DMBT1: variants seen among roughly 807,000 people sequenced by gnomAD.
DMBT1 encodes the protein deleted in malignant brain tumors 1.
DMBT1 carries 198 observed loss-of-function variants against 252.9 expected under a neutral mutation model. The observed-to-expected ratio is 0.78, with a 90% CI of 0.70 to 0.88. The LOEUF (loss-of-function observed/expected upper bound fraction) is 0.88, where lower values mean the gene tolerates loss of function less well. Ranked by LOEUF, DMBT1 falls within the 40% of genes least tolerant of loss-of-function variation. The pLI is 0.00. For missense variants in DMBT1, 2,432 were observed against 2,404.7 expected (o/e 1.01, Z -0.24); for synonymous variants, 990 against 942.7 (o/e 1.05, Z -0.92).
At position 122,576,654 on chromosome 10, in the gene DMBT1, G is replaced by A; in HGVS notation, c.539G>A (p.Ser180Asn). ...RCSGHESYLW[S>N]CPHNGWLSHN... ...TCAGGACACGAATCCTACCTGTGGA[G>A]CTGCCCCCACAATGGCTGGCTCTCC... Residue 180 changes from serine to asparagine, a missense_variant, in exon 7 of 56, where the codon AGC (serine) becomes AAC (asparagine). Physicochemically the swap from Ser to Asn is conservative, Grantham distance 46. Transcript: ENST00000338354. 1 of 1,613,808 alleles carries A rather than the reference G, an allele frequency of 6.2e-7. No individual in the cohort carries two copies. The highest frequency in any genetic ancestry group is 8.5e-7 in the Non-Finnish European group (1 of 1,179,740).
chr10:122,561,166 T>C (rs1030652692), intron 1 of DMBT1, among the ~76,000 whole-genome samples: 1 of 152,204 alleles, frequency 6.6e-6, no homozygotes, highest in Non-Finnish European at 1.5e-5. Flanking sequence ...CCTTAAACTT[T>C]GCAACAATTG....
chr10:122,592,143 C>T lies in DMBT1; in HGVS notation c.2177-129C>T, dbSNP rs1373143597. ...TATGATGAAGCTGAACCTCTGGTTG[C>T]AGTCGTATTCAATCGTGACTGCTTG... On this transcript the variant is annotated intron_variant, in intron 19 of 55. Transcript: ENST00000338354. The T allele has an allele frequency of 7.8e-6, 11 of 1,404,496 alleles. No homozygotes were observed. The African/African-American group carries it at 1.1e-4, about 14-fold the overall frequency. The allele number at this position is 1,404,496 out of a possible 1,614,324, so 87.0% of individuals were successfully genotyped here. A position where few individuals can be genotyped will look rare whatever the true frequency, so the allele number is the denominator to read the frequency against.
At chr10:122,585,330 T>C in intron 15 of DMBT1, 21 bp downstream of exon 15, 1 of 1,582,464 alleles carries the variant, frequency 6.3e-7, no homozygotes, top group East Asian at 2.3e-5. Context: ...CTCTCGCCCC[T>C]CCCTAGGGCT....
chr10:122,635,162 T>C (rs924367333), intron 52 of DMBT1, among the ~76,000 whole-genome samples: 5 of 152,248 alleles, frequency 3.3e-5, no homozygotes, highest in Non-Finnish European at 5.9e-5. Context: ...AAAGCCCTTT[T>C]CTGTATGTTG....
chr10:122,625,868 A>G (rs2098115193), intron 45 of DMBT1, 65 bp from the exon 46 acceptor site: 2 of 1,364,752 alleles, frequency 1.5e-6, no homozygotes, highest in Admixed American at 1.7e-5. Flanking sequence ...TGTCAGTCAA[A>G]CAAATTACTA....
At chr10:122,633,823 G>A (rs4752712) in intron 52 of DMBT1, among the ~76,000 whole-genome samples, 18,271 of 152,094 alleles carry the variant, frequency 0.12, 1,584 homozygotes, top group East Asian at 0.39. Flanking sequence ...GGCAATAATA[G>A]CACTAATAAT....
chr10:122,625,372 T>A, intron 45 of DMBT1, 69 bp downstream of exon 45: 1 of 1,465,548 alleles, frequency 6.8e-7, no homozygotes, highest in African/African-American at 1.4e-5. Context: ...TTTCCAGAAG[T>A]AGGAGGAGTA....
chr10:122,584,440 T>G, intron 14 of DMBT1, 89 bp downstream of exon 14: 1 of 191,652 alleles, frequency 5.2e-6, no homozygotes, highest in Non-Finnish European at 1.0e-5. Flanking sequence ...CGTTCTTCTC[T>G]GAGTGAATAC....
rs1242126336 is a variant in DMBT1, at chr10:122,589,125, C to T, written c.1965C>T (p.Ala655=). Residue 655 remains alanine (A), a synonymous_variant, in exon 17 of 56, where the codon GCC becomes GCT. Coordinates refer to ENST00000338354, the MANE Select transcript of DMBT1 (RefSeq NM_001377530.1). ...GGGCCACGTCAGCCCCAGGAAATGC[C>T]CGGTTTGGTCAGGGCTCAGGACCCA... The part of the protein sequence containing the change: ...CGWATSAPGN[A]RFGQGSGPIV... 1.3e-6 allele frequency: 2 copies of T among 1,588,380 alleles called. No homozygotes were observed. The highest frequency in any genetic ancestry group is 1.7e-5 in the Admixed American group (1 of 59,522).
At chr10:122,632,110 C>A (rs2098169933) in intron 50 of DMBT1, among the ~76,000 whole-genome samples, 1 of 152,128 alleles carries the variant, frequency 6.6e-6, no homozygotes, top group Non-Finnish European at 1.5e-5. Context: ...TGAGGCCCGC[C>A]ACCTGTCAGA....
chr10:122,617,575 A>G (rs985591120), intron 40 of DMBT1, among the ~76,000 whole-genome samples: 1 of 151,554 alleles, frequency 6.6e-6, no homozygotes, highest in South Asian at 2.1e-4. Context: ...CGCACTGCAG[A>G]CCTGCAAGGG....
intron 26 of DMBT1, among the ~76,000 whole-genome samples, 177 bp downstream of exon 26, chr10:122,599,274 C>A (rs746204890): frequency 1.2e-4 from 19 of 152,294 alleles, no homozygotes; most frequent in Non-Finnish European, 2.2e-4. Context: ...TTCCTGTGGT[C>A]ACTTAGGACA....
At chr10:122,580,219 G>T (rs981156790) in intron 10 of DMBT1, among the ~76,000 whole-genome samples, 3 of 152,202 alleles carry the variant, frequency 2.0e-5, no homozygotes, top group African/African-American at 7.2e-5. Context: ...GGGTATAATG[G>T]ATGCAGCACA....
rs370475460 is a variant in DMBT1, at chr10:122,643,393, C to T, written c.7624C>T (p.Arg2542Trp). 5.0e-6 allele frequency: 8 copies of T among 1,611,452 alleles called. No individual in the cohort carries two copies. Among genetic ancestry groups the T allele is most frequent in the Non-Finnish European group, 5.9e-6 (7 of 1,178,572 alleles). ...CCCCCCACGCCGAGAAGAGGAGCCT[C>T]GGTAGGTGGTCGCTCTCAGACCCCA... The part of the protein sequence containing the change: ...QTPPRREEEP[R>W] The change falls in exon 56 of 56, where the codon CGG (arginine) becomes TGG (tryptophan). Residue 2542 changes from arginine (R) to tryptophan (W), a missense_variant. Transcript: ENST00000338354.
Position 122,638,266 on chromosome 10 carries a change from C to T in DMBT1, c.6942+954C>T, listed in dbSNP as rs376567676. On this transcript the variant is annotated intron_variant, in intron 54 of 55. Coordinates refer to ENST00000338354, the MANE Select transcript of DMBT1 (RefSeq NM_001377530.1). ...GTGAGCAGCCTGGAGACTCCCTGAG[C>T]GGCCCCGCTGAGGGCCCTTCACACC... Among the ~76,000 whole-genome samples the T allele has an allele frequency of 6.6e-4, 101 of 152,216 alleles. 2 individuals are homozygous for T. The highest frequency in any genetic ancestry group is 2.1e-3 in the African/African-American group (89 of 41,524).
Position 122,617,708 on chromosome 10 carries a change from C to T in DMBT1, c.4892-309C>T, listed in dbSNP as rs141148399. Among the ~76,000 whole-genome samples the T allele has an allele frequency of 7.6e-3, 1,160 of 151,704 alleles. 37 individuals carry two copies. Among genetic ancestry groups the T allele is most frequent in the African/African-American group, 0.025 (1,012 of 41,222 alleles). On this transcript the variant is annotated intron_variant, in intron 40 of 55. Transcript: ENST00000338354. ...CTCTTAAACATGGGGCCAGCATGGG[C>T]CTGCTCTCTGGAGCTGTGGAGCTCC...
intron 3 of DMBT1, among the ~76,000 whole-genome samples, chr10:122,570,605 C>T (rs1003649771): frequency 1.3e-5 from 2 of 152,178 alleles, no homozygotes; most frequent in Non-Finnish European, 2.9e-5. Flanking sequence ...AATCTTGTGA[C>T]TAGGATGGGG....
At chr10:122,641,944 C>T (rs1207219641) in intron 55 of DMBT1, among the ~76,000 whole-genome samples, 3 of 152,256 alleles carry the variant, frequency 2.0e-5, no homozygotes, top group South Asian at 2.1e-4. Flanking sequence ...CCTGGTGGGG[C>T]TTGGGCATGT....
rs1455567213 is a variant in DMBT1, at chr10:122,591,459, G to A, written c.2138-20G>A. ...TCCCTCAACTTTAATTCTAGCCTTT[G>A]TCTTTGTTGCAATTTACAGACACGT... is the stretch of plus-strand genomic sequence containing the variant. On this transcript the variant is annotated intron_variant, in intron 18 of 55. Coordinates refer to ENST00000338354, the MANE Select transcript of DMBT1 (RefSeq NM_001377530.1). The A allele has an allele frequency of 1.3e-6, 2 of 1,584,382 alleles. No homozygotes were observed. Among genetic ancestry groups the A allele is most frequent in the South Asian group, 1.2e-5 (1 of 86,620 alleles).
Sources: gnomAD v4.1 joint callset for allele counts (sites outside exome capture counted in the v4.1 genomes callset) on GRCh38, gnomAD v4.1.1 for gene constraint, MANE v1.5 for transcripts, NCBI Gene and HGNC (gene_info 2026-07-23, HGNC 2026-07-21) for gene names.